SAMD4B: variants seen among roughly 807,000 people sequenced by gnomAD.
The protein encoded by SAMD4B is sterile alpha motif domain containing 4B, also known as protein Smaug homolog 2.
SAMD4B carries 5 observed loss-of-function variants against 74.5 expected under a neutral mutation model. The ratio of observed to expected loss-of-function variants is 0.07; its 90% CI spans 0.04 to 0.14. The LOEUF (loss-of-function observed/expected upper bound fraction) is 0.14, where lower values mean the gene tolerates loss of function less well. Ranked by LOEUF, SAMD4B falls within the 10% of genes least tolerant of loss-of-function variation. The probability of loss-of-function intolerance (pLI) is 1.00; values close to 1 mark genes in which losing one functional copy is unlikely to be tolerated. For missense variants in SAMD4B, 608 were observed against 921.8 expected (o/e 0.66, Z 4.41); for synonymous variants, 373 against 374.9 (o/e 1.00, Z 0.06).
At chr19:39,368,709 T>TA (rs978825767) in intron 3 of SAMD4B, among the ~76,000 whole-genome samples, 8 of 152,308 alleles carry the variant, frequency 5.3e-5, no homozygotes, top group African/African-American at 1.7e-4. Context: ...AGAGACCAGT[T>TA]AAAAAACAAT....
In SAMD4B at chr19:39,369,938, C is replaced by G. The variant is rs367728307; in HGVS notation, c.480C>G (p.Ser160=). 11 of 1,613,882 alleles carry G rather than the reference C, an allele frequency of 6.8e-6. No homozygotes were observed. The South Asian group carries it at 1.2e-4, about 18-fold the overall frequency. The change falls in exon 4 of 14, where the codon TCC becomes TCG. Residue 160 remains serine (S), a synonymous_variant. Coordinates refer to ENST00000610417, the MANE Select transcript of SAMD4B (RefSeq NM_001384574.2). ...LEERLASGFR[S]RPEPSYHSRQ... ...AGCGGTTGGCTAGTGGCTTCCGCTC[C>G]CGGCCAGAGCCCTCCTACCATTCAC...
intron 1 of SAMD4B, among the ~76,000 whole-genome samples, chr19:39,343,992 C>CG (rs200518300): frequency 1.3e-5 from 1 of 77,522 alleles, no homozygotes; most frequent in South Asian, 4.1e-4. Flanking sequence ...ACCCCCCCCC[C>CG]CCACACACAC....
Position 39,383,363 on chromosome 19 carries a change from G to T in SAMD4B, c.2056+72G>T, listed in dbSNP as rs2078120681. The stretch of plus-strand genomic sequence containing the variant: ...CTCTGCCTCTGAACTGAGCAACTCA[G>T]AGTCATCCTGAGGGGTCCCCAGGGG... On this transcript the variant is annotated intron_variant, in intron 13 of 13. Transcript: ENST00000610417. The surrounding 1 kb of genome is among the most constrained non-coding windows in gnomAD (Gnocchi z 4.1). 8 of 1,580,606 alleles carry T rather than the reference G, an allele frequency of 5.1e-6. No individual in the cohort carries two copies. The Admixed American group carries it at 8.3e-5, about 16-fold the overall frequency.
At chr19:39,348,868 A>T (rs531216123) in intron 1 of SAMD4B, among the ~76,000 whole-genome samples, 1 of 152,274 alleles carries the variant, frequency 6.6e-6, no homozygotes, top group South Asian at 2.1e-4. Context: ...ACAGGACTTG[A>T]TGATGGGATT....
At chr19:39,343,065 A>C (rs2075419987) in intron 1 of SAMD4B, among the ~76,000 whole-genome samples, 2 of 151,130 alleles carry the variant, frequency 1.3e-5, no homozygotes, top group Non-Finnish European at 3.0e-5. Flanking sequence ...TAGTCCTCGG[A>C]GGCCACTCCT....
At chr19:39,367,473 A>G (rs1028391470) in intron 3 of SAMD4B, among the ~76,000 whole-genome samples, 1 of 148,444 alleles carries the variant, frequency 6.7e-6, no homozygotes, top group African/African-American at 2.5e-5. Flanking sequence ...TTAGCTAGTC[A>G]CAGAAGTGCT....
chr19:39,385,874 A>G, downstream of SAMD4B: 1 of 1,450,314 alleles, frequency 6.9e-7, no homozygotes, highest in South Asian at 1.3e-5. Context: ...GACTTTATTA[A>G]CAGCAAAGGT....
At chr19:39,349,658 C>CT (rs2075911948) in intron 1 of SAMD4B, 2 of 152,338 alleles carry the variant, frequency 1.3e-5, no homozygotes, top group Admixed American at 6.5e-5. Flanking sequence ...CCCTAGGTAA[C>CT]TAGCCTGTTA....
intron 3 of SAMD4B, among the ~76,000 whole-genome samples, chr19:39,358,545 C>A (rs917119590): frequency 5.9e-5 from 9 of 151,716 alleles, no homozygotes; most frequent in Admixed American, 3.9e-4. Context: ...CCACCGCACC[C>A]AGCCAGTTTC....
At chr19:39,379,830 C>G (rs2077845136) in intron 9 of SAMD4B, 136 bp from the exon 10 acceptor site, 1 of 681,854 alleles carries the variant, frequency 1.5e-6, no homozygotes, top group Non-Finnish European at 2.4e-6. Flanking sequence ...CTCAGCCTCC[C>G]AAAGTGCTGG....
At chr19:39,385,808 G>T, downstream of SAMD4B, 5 of 855,320 alleles carry the variant, frequency 5.8e-6, no homozygotes, top group Non-Finnish European at 8.8e-6. Context: ...GTTGCGGGAG[G>T]TATGTGCTGG....
intron 1 of SAMD4B, among the ~76,000 whole-genome samples, chr19:39,347,640 G>A (rs1451506542): frequency 6.6e-6 from 1 of 152,182 alleles, no homozygotes; most frequent in Non-Finnish European, 1.5e-5. Context: ...AGGAGTAATG[G>A]CAATACCCTC....
intron 12 of SAMD4B, among the ~76,000 whole-genome samples, chr19:39,381,758 C>CCAT (rs2077999675): frequency 6.6e-6 from 1 of 152,126 alleles, no homozygotes. Flanking sequence ...TGGCGAAACC[C>CCAT]CATCTGTACA....
Position 39,383,180 on chromosome 19 carries a change from C to G in SAMD4B, c.1973-28C>G, listed in dbSNP as rs762823304. 4 of 1,599,762 alleles carry G rather than the reference C, an allele frequency of 2.5e-6. No individual in the cohort carries two copies. Among genetic ancestry groups the G allele is most frequent in the Non-Finnish European group, 3.4e-6 (4 of 1,167,056 alleles). On this transcript the variant is annotated intron_variant, in intron 12 of 13. Transcript: ENST00000610417. The surrounding 1 kb of genome is among the most constrained non-coding windows in gnomAD (Gnocchi z 4.1). The stretch of plus-strand genomic sequence containing the variant: ...TCACCTGAGTCCAGTTGGTCCTTAC[C>G]ACCCCCATTCTCCTCTCTCCCACCC...
At position 39,378,681 on chromosome 19, in the gene SAMD4B, G is replaced by A. The variant is rs764269781; in HGVS notation, c.1530+92G>A. On this transcript the variant is annotated intron_variant, in intron 9 of 13. Transcript: ENST00000610417. The surrounding 1 kb of genome is among the most constrained non-coding windows in gnomAD (Gnocchi z 4.4). The stretch of plus-strand genomic sequence containing the variant: ...CCCAGCACTTCGGCCACCGAGGCGG[G>A]CGGATCATGAGGTCAGGAGATCGAG... 12 of 1,050,708 alleles carry A rather than the reference G, an allele frequency of 1.1e-5. No homozygotes were observed. The highest frequency in any genetic ancestry group is 2.6e-4 in the Middle Eastern group (1 of 3,782). The allele number at this position is 1,050,708 out of a possible 1,614,324, so 65.1% of individuals were successfully genotyped here. A position where few individuals can be genotyped will look rare whatever the true frequency, so the allele number is the denominator to read the frequency against.
In SAMD4B at chr19:39,384,518, A is replaced by G. The variant is rs2078184720; in HGVS notation, c.*991A>G. The G allele has an allele frequency of 6.6e-6, 1 of 152,668 alleles. No homozygotes were observed. Among genetic ancestry groups the G allele is most frequent in the Admixed American group, 6.5e-5 (1 of 15,280 alleles). The allele number at this position is 152,668 out of a possible 1,614,324, so 9.5% of individuals were successfully genotyped here. On this transcript the variant is annotated 3_prime_UTR_variant, in exon 14 of 14. Transcript: ENST00000610417. ...TGTTTGGTTTTTGGGTTTTTCCCTAAGCCCCTCCCTTTTCTTTCAGCCTTT... is the reference window on the plus strand; with the variant it reads ...TGTTTGGTTTTTGGGTTTTTCCCTAGGCCCCTCCCTTTTCTTTCAGCCTTT...
intron 1 of SAMD4B, chr19:39,352,489 G>GAGA (rs751827599): frequency 9.4e-5 from 11 of 117,478 alleles, no homozygotes; most frequent in Non-Finnish European, 1.7e-4. Context: ...CTCTTTAGGG[G>GAGA]AAAAAAAAAA....
chr19:39,349,519 T>A (rs751540023), intron 1 of SAMD4B, among the ~76,000 whole-genome samples: 8 of 152,220 alleles, frequency 5.3e-5, no homozygotes, highest in Non-Finnish European at 1.2e-4. Context: ...CATTCTTTGC[T>A]AATGCAGTGG....
chr19:39,385,740 G>A (rs2078231362), downstream of SAMD4B: 1 of 574,406 alleles, frequency 1.7e-6, no homozygotes, highest in Middle Eastern at 3.7e-4. Context: ...GGAAACCATT[G>A]GCCCTGCCTC....
Sources: gnomAD v4.1 joint callset for allele counts (sites outside exome capture counted in the v4.1 genomes callset) on GRCh38, gnomAD v4.1.1 for gene constraint, Gnocchi (gnomAD v3.1) non-coding constraint, MANE v1.5 for transcripts, NCBI Gene and HGNC (gene_info 2026-07-23, HGNC 2026-07-21) for gene names.